IL12RB2: variants seen among roughly 807,000 people sequenced by gnomAD.
IL12RB2 encodes interleukin 12 receptor subunit beta 2.
A neutral mutation model predicts 89.4 loss-of-function variants in IL12RB2; 82 were observed. That is an observed-to-expected ratio of 0.92 (90% confidence interval 0.77 to 1.10). The LOEUF (loss-of-function observed/expected upper bound fraction) is 1.10. Among genes scored for constraint, IL12RB2 ranks in the 50% least tolerant of loss-of-function variants. IL12RB2 has a pLI of 0.00. For missense variants in IL12RB2, 963 were observed against 1,031.9 expected, an observed-to-expected ratio of 0.93 and a Z score of 0.92; for synonymous variants, 368 against 370.1, an observed-to-expected ratio of 0.99 and a Z score of 0.07.
At position 67,396,131 on chromosome 1, in the gene IL12RB2, A is replaced by C. The variant is rs1425163390; in HGVS notation, c.*42A>C. On this transcript the variant is annotated 3_prime_UTR_variant, in exon 17 of 17. Transcript: ENST00000674203. ...CCTTAAAGTCAGTGTGCCCTCAACC[A>C]GCACAGCCTGCCCCAATTCCCCCAG... The C allele has an allele frequency of 8.6e-7, 1 of 1,165,704 alleles. No homozygotes were observed. The highest frequency in any genetic ancestry group is 1.2e-5 in the South Asian group (1 of 82,330). 72.2% of individuals were successfully genotyped at this position (1,165,704 alleles called of 1,614,324 possible).
chr1:67,342,208 G>T (rs566589480), intron 9 of IL12RB2, among the ~76,000 whole-genome samples: 5 of 151,482 alleles, frequency 3.3e-5, no homozygotes, highest in Admixed American at 6.6e-5. Flanking sequence ...TTGTTTTTTG[G>T]GTTTTTTTTG....
intron 9 of IL12RB2, among the ~76,000 whole-genome samples, chr1:67,347,734 G>A (rs1660392659): frequency 6.6e-6 from 1 of 152,170 alleles, no homozygotes; most frequent in Non-Finnish European, 1.5e-5. Context: ...ATAGGAGAAG[G>A]TGACAATGAC....
intron 13 of IL12RB2, among the ~76,000 whole-genome samples, chr1:67,377,495 C>T (rs1253811691): frequency 2.0e-5 from 3 of 152,134 alleles, no homozygotes; most frequent in African/African-American, 7.2e-5. Flanking sequence ...GCAAAAACTG[C>T]CTTTCTTTTG....
intron 10 of IL12RB2, among the ~76,000 whole-genome samples, chr1:67,358,692 C>T (rs1661664510): frequency 6.6e-6 from 1 of 151,782 alleles, no homozygotes; most frequent in Non-Finnish European, 1.5e-5. Context: ...AGAGAAGATG[C>T]AAATAAAACA....
chr1:67,316,390 G>T (rs1348701106), intron 2 of IL12RB2, among the ~76,000 whole-genome samples: 1 of 150,370 alleles, frequency 6.7e-6, no homozygotes, highest in African/African-American at 2.5e-5. Context: ...TTCCTAACTG[G>T]TCTGCCTGCA....
At chr1:67,365,126 A>G (rs1446132871) in intron 10 of IL12RB2, among the ~76,000 whole-genome samples, 3 of 152,222 alleles carry the variant, frequency 2.0e-5, no homozygotes, top group Non-Finnish European at 4.4e-5. Flanking sequence ...AAACATCAAA[A>G]TTTATGGAAT....
At chr1:67,352,676 A>T (rs6588257) in intron 10 of IL12RB2, among the ~76,000 whole-genome samples, 148,306 of 152,350 alleles carry the variant, frequency 0.97, 72,322 homozygotes, top group Middle Eastern at 1. Context: ...TATATTTATC[A>T]ATATAACTTT....
At position 67,385,458 on chromosome 1, in the gene IL12RB2, C is replaced by T. The variant is rs17129927; in HGVS notation, c.1856-1121C>T. On this transcript the variant is annotated intron_variant, in intron 14 of 16. Transcript: ENST00000674203. Reference sequence around the variant, plus strand: ...TGTGGGGATTATGGGAATTACAATTCAAGATGAGATTTGGGTGGGCACACA... The same window carrying T: ...TGTGGGGATTATGGGAATTACAATTTAAGATGAGATTTGGGTGGGCACACA... Among the ~76,000 whole-genome samples, 223 of 152,294 alleles carry T rather than the reference C, an allele frequency of 1.5e-3. 2 individuals carry two copies. The highest frequency in any genetic ancestry group is 5.3e-3 in the African/African-American group (219 of 41,558).
At chr1:67,337,206 T>C (rs565369308) in intron 8 of IL12RB2, among the ~76,000 whole-genome samples, 23 of 152,278 alleles carry the variant, frequency 1.5e-4, no homozygotes, top group African/African-American at 5.3e-4. Context: ...ATCCAGGTGG[T>C]GGGACTTAAT....
intron 16 of IL12RB2, 109 bp from the exon 17 acceptor site, chr1:67,395,438 A>G: frequency 6.2e-7 from 1 of 1,601,328 alleles, no homozygotes; most frequent in Non-Finnish European, 8.5e-7. Context: ...TGTTCCAGCC[A>G]GGGCTGAGGA....
chr1:67,394,621 T>C (rs17129985), intron 16 of IL12RB2, among the ~76,000 whole-genome samples: 1,540 of 152,334 alleles, frequency 0.01, 27 homozygotes, highest in African/African-American at 0.035. Flanking sequence ...CAAGGAATAT[T>C]ACCTTGCCTG....
At chr1:67,316,363 T>A (rs1308742024) in intron 2 of IL12RB2, among the ~76,000 whole-genome samples, 1 of 152,028 alleles carries the variant, frequency 6.6e-6, no homozygotes, top group Admixed American at 6.6e-5. Flanking sequence ...TCATTTTACC[T>A]GTGCCTCTGC....
intron 2 of IL12RB2, among the ~76,000 whole-genome samples, chr1:67,319,932 C>T (rs1010963265): frequency 6.6e-6 from 1 of 152,050 alleles, no homozygotes; most frequent in African/African-American, 2.4e-5. Flanking sequence ...GCAAGAAGGC[C>T]CCATCTATGA....
chr1:67,392,686 A>G (rs1362151519), intron 16 of IL12RB2, among the ~76,000 whole-genome samples: 1 of 125,876 alleles, frequency 7.9e-6, no homozygotes, highest in Non-Finnish European at 1.5e-5. Context: ...GCTGGAGTGC[A>G]GTGGCACTAT....
intron 1 of IL12RB2, among the ~76,000 whole-genome samples, chr1:67,310,785 T>G (rs1356992002): frequency 6.6e-6 from 1 of 152,096 alleles, no homozygotes; most frequent in Non-Finnish European, 1.5e-5. Flanking sequence ...AGTGCAGTGG[T>G]GCGATCTTGG....
rs143107608 is a variant in IL12RB2 at position 67,397,864 on chromosome 1, T to C, written c.*1775T>C. Among the ~76,000 whole-genome samples, 373 of 152,262 alleles carry C rather than the reference T, an allele frequency of 2.4e-3. 1 individual carries two copies. Among genetic ancestry groups the C allele is most frequent in the African/African-American group, 8.5e-3 (353 of 41,538 alleles). On this transcript the variant is annotated 3_prime_UTR_variant, in exon 17 of 17. Coordinates refer to ENST00000674203, the MANE Select transcript of IL12RB2 (RefSeq NM_001374259.2). ...AAAGTACTTGTTGTAAATGTGTACT[T>C]CTTGCCTAACGTGAGGAACTAAAAA...
chr1:67,362,572 C>CAAAAAAAA (rs956277979), intron 10 of IL12RB2, among the ~76,000 whole-genome samples: 14 of 43,034 alleles, frequency 3.3e-4, no homozygotes, highest in Non-Finnish European at 5.7e-4. Flanking sequence ...GACTCCGTCT[C>CAAAAAAAA]AAAAAAAAAA....
intron 15 of IL12RB2, 122 bp downstream of exon 15, chr1:67,386,791 T>G: frequency 1.3e-6 from 1 of 745,726 alleles, no homozygotes; most frequent in Non-Finnish European, 2.5e-6. Context: ...CTAAACTTAT[T>G]TAACCACTTT....
chr1:67,388,381 T>G (rs950654112), intron 15 of IL12RB2, among the ~76,000 whole-genome samples: 25 of 152,304 alleles, frequency 1.6e-4, no homozygotes, highest in African/African-American at 5.8e-4. Context: ...AGTCTCACTC[T>G]GTCGCCCAGG....
Sources: gnomAD v4.1 joint callset for allele counts (sites outside exome capture counted in the v4.1 genomes callset) on GRCh38, gnomAD v4.1.1 for gene constraint, MANE v1.5 for transcripts, NCBI Gene and HGNC (gene_info 2026-07-23, HGNC 2026-07-21) for gene names.